Variants in ZNF287 observed in about 807,000 individuals in gnomAD.
ZNF287 encodes the protein zinc finger protein 287.
A neutral mutation model predicts 73.7 loss-of-function variants in ZNF287; 31 were observed. The observed-to-expected ratio is 0.42, with a 90% CI of 0.32 to 0.57. ZNF287 has a LOEUF of 0.57. ZNF287 is among the 20% of genes least tolerant of loss of function. The pLI is 0.13. For missense variants in ZNF287, 641 were observed against 909.3 expected (o/e 0.70, Z 3.79); for synonymous variants, 301 against 307.2 (o/e 0.98, Z 0.21).
rs1906512641 is a variant in ZNF287, at chr17:16,549,602, GTT to G, written c.*2252_*2253del. Among the ~76,000 whole-genome samples, 1 of 152,166 alleles carries G rather than the reference GTT, an allele frequency of 6.6e-6. No homozygotes were observed. Among genetic ancestry groups the G allele is most frequent in the Non-Finnish European group, 1.5e-5 (1 of 68,008 alleles). ...CTAATGTAAGGGAAATGGAAATCAAGTTTTTTAAAGAAAACACTCAATAATAT... is the reference window on the plus strand; with the variant it reads ...CTAATGTAAGGGAAATGGAAATCAAGTTTTAAAGAAAACACTCAATAATAT... On this transcript the variant is annotated 3_prime_UTR_variant, in exon 6 of 6. Transcript: ENST00000395825.
At chr17:16,556,159 G>GACACACACACAC (rs1373193795) in intron 5 of ZNF287, among the ~76,000 whole-genome samples, 5 of 133,560 alleles carry the variant, frequency 3.7e-5, no homozygotes, top group African/African-American at 2.0e-4. Flanking sequence ...GTTACAGACA[G>GACACACACACAC]ACACAGACAC....
rs1309691267 is a variant in ZNF287, at chr17:16,548,976, T to C, written c.*2880A>G. Among the ~76,000 whole-genome samples, 1 of 152,108 alleles carries C rather than the reference T, an allele frequency of 6.6e-6. No individual in the cohort carries two copies. The highest frequency in any genetic ancestry group is 2.1e-4 in the South Asian group (1 of 4,824). On this transcript the variant is annotated 3_prime_UTR_variant, in exon 6 of 6. Coordinates refer to ENST00000395825, the MANE Select transcript of ZNF287 (RefSeq NM_020653.4). ...AAGGTATGTAAATGTATTGTGGTTA[T>C]GTAAAAGACCATCCTTATTTTTGTA... is the stretch of plus-strand genomic sequence containing the variant.
chr17:16,553,535 G>C (rs1906840469), intron 5 of ZNF287, 109 bp from the exon 6 acceptor site: 1 of 852,400 alleles, frequency 1.2e-6, no homozygotes, highest in Admixed American at 3.6e-5. Flanking sequence ...CAACAGCTCT[G>C]AAAACCTCAT....
Position 16,551,866 on chromosome 17 carries a change from T to C in ZNF287, c.2276A>G (p.His759Arg). The change falls in exon 6 of 6, where the codon CAT (histidine) becomes CGT (arginine). Residue 759 changes from histidine (H) to arginine (R), a missense_variant. Around this residue, in one of 2 missense-constraint regions of ZNF287, gnomAD observed 284 missense variants for 466.8 expected, o/e 0.61. Transcript: ENST00000395825. ...AGTTTCCCTTATCCATTAATTACGA[T>C]GTTTGGCACCTGTATGAACACGTTG... is the stretch of plus-strand genomic sequence containing the variant. ...QHQRVHTGAK[H>R]RN 6.4e-7 allele frequency: 1 copy of C among 1,574,470 alleles called. No individual in the cohort carries two copies. The highest frequency in any genetic ancestry group is 8.6e-7 in the Non-Finnish European group (1 of 1,160,474).
intron 5 of ZNF287, among the ~76,000 whole-genome samples, chr17:16,559,639 A>G (rs993276247): frequency 6.6e-6 from 1 of 151,514 alleles, no homozygotes; most frequent in African/African-American, 2.4e-5. Context: ...AAGCAATGAT[A>G]CCCATAAACA....
chr17:16,567,490 T>C lies in ZNF287; in HGVS notation c.242A>G (p.Glu81Gly). Residue 81 changes from glutamate (E) to glycine (G), a missense_variant, in exon 2 of 6, where the codon GAG becomes GGG. Glu to Gly is a moderately conservative substitution (Grantham distance 98). Coordinates refer to ENST00000395825, the MANE Select transcript of ZNF287 (RefSeq NM_020653.4). ...CAAAATTTGTTCCTTTGAGTGAATC[T>C]CAGGTCTCAGCCACTTAAGGCAGAG... ...RELCLKWLRPEIHSKEQILEL... is the reference protein window; with the variant it reads ...RELCLKWLRPGIHSKEQILEL... 6.2e-7 allele frequency: 1 copy of C among 1,614,244 alleles called. No individual in the cohort carries two copies. Among genetic ancestry groups the C allele is most frequent in the Non-Finnish European group, 8.5e-7 (1 of 1,180,042 alleles).
chr17:16,552,674 T>C lies in ZNF287; in HGVS notation c.1468A>G (p.Ser490Gly), dbSNP rs760628441. The C allele has an allele frequency of 1.2e-6, 2 of 1,614,180 alleles. No homozygotes were observed. Among genetic ancestry groups the C allele is most frequent in the East Asian group, 2.2e-5 (1 of 44,882 alleles). ...YKCLECGKTF[S>G]HSSSLINHQR... ...TGATTAATCAGTGATGAACTATGAC[T>C]GAAGGTTTTACCACATTCCAAGCAT... Residue 490 changes from serine to glycine, a missense_variant, in exon 6 of 6, where the codon AGT (serine) becomes GGT (glycine). This residue lies in a region of ZNF287 where 284 missense variants were observed against 466.8 expected (regional missense o/e 0.61). Coordinates refer to ENST00000395825, the MANE Select transcript of ZNF287 (RefSeq NM_020653.4). This position sits in a 1 kb window ranked among gnomAD's most constrained non-coding sequence, Gnocchi z 6.5.
rs1361276250 is a variant in ZNF287, at chr17:16,553,078, C to T, written c.1064G>A (p.Gly355Asp). ...GRATFNHVSY[G>D]IVHRKILPGE... ...AGGAAGTATTTTCCTATGTACAATA[C>T]CATATGAGACATGATTGAAGGTTGC... Residue 355 changes from glycine (G) to aspartate (D), a missense_variant, in exon 6 of 6, where the codon GGT (glycine) becomes GAT (aspartate). By Grantham distance (94) the Gly-to-Asp change is moderately conservative. Transcript: ENST00000395825. 2 of 1,614,004 alleles carry T rather than the reference C, an allele frequency of 1.2e-6. No homozygotes were observed. Among genetic ancestry groups the T allele is most frequent in the African/African-American group, 2.7e-5 (2 of 74,904 alleles).
intron 5 of ZNF287, among the ~76,000 whole-genome samples, chr17:16,557,001 C>T (rs1327531483): frequency 6.6e-6 from 1 of 152,066 alleles, no homozygotes; most frequent in Non-Finnish European, 1.5e-5. Flanking sequence ...GCATGTGCCA[C>T]CACGCCTGGC....
At position 16,553,360 on chromosome 17, in the gene ZNF287, G is replaced by T. The variant is rs1906826522; in HGVS notation, c.782C>A (p.Thr261Asn). ...EDMSKLTKEETHTIKLEDSYD... is the reference protein window; with the variant it reads ...EDMSKLTKEENHTIKLEDSYD... ...TGAGTCTTCTAATTTGATGGTATGG[G>T]TTTCTTCCTTTGTGAGTTTAGACAT... The change falls in exon 6 of 6, where the codon ACC (threonine) becomes AAC (asparagine). Residue 261 changes from threonine (T) to asparagine (N), a missense_variant. By Grantham distance (65) the Thr-to-Asn change is moderately conservative. Around this residue, in one of 2 missense-constraint regions of ZNF287, gnomAD observed 357 missense variants for 442.4 expected, o/e 0.81. Transcript: ENST00000395825. 4.3e-6 allele frequency: 7 copies of T among 1,610,610 alleles called. No homozygotes were observed. The East Asian group carries it at 1.6e-4, about 36-fold the overall frequency.
intron 5 of ZNF287, among the ~76,000 whole-genome samples, chr17:16,554,973 T>G (rs971403728): frequency 6.6e-6 from 1 of 152,110 alleles, no homozygotes; most frequent in African/African-American, 2.4e-5. Flanking sequence ...AAATTGCCTT[T>G]TTTTATAGGT....
chr17:16,548,333 A>G lies in ZNF287; in HGVS notation c.*3523T>C, dbSNP rs1046014143. ...GACTTTTGATATGATGCACTATGAAATACATCTGTGAGGTGTTATCATTAA... is the reference window on the plus strand; with the variant it reads ...GACTTTTGATATGATGCACTATGAAGTACATCTGTGAGGTGTTATCATTAA... On this transcript the variant is annotated 3_prime_UTR_variant, in exon 6 of 6. Transcript: ENST00000395825. 5.3e-5 allele frequency among the ~76,000 whole-genome samples: 8 copies of G among 152,196 alleles called. No homozygotes were observed. Among genetic ancestry groups the G allele is most frequent in the Non-Finnish European group, 1.0e-4 (7 of 68,032 alleles).
rs749603293 is a variant in ZNF287 at position 16,567,356 on chromosome 17, C to G, written c.376G>C (p.Asp126His). The change falls in exon 2 of 6, where the codon GAT becomes CAT. Residue 126 changes from aspartate to histidine, a missense_variant. Transcript: ENST00000395825. ...TCCTCTTCTAGAATCTGAGTCAAATCCTCCACCAGAGTCACTGCTTCCTCG... is the reference window on the plus strand; with the variant it reads ...TCCTCTTCTAGAATCTGAGTCAAATGCTCCACCAGAGTCACTGCTTCCTCG... Reference protein sequence around the residue: ...SSEEAVTLVEDLTQILEEEAP... With the variant: ...SSEEAVTLVEHLTQILEEEAP... The G allele has an allele frequency of 6.2e-7, 1 of 1,613,720 alleles. No homozygotes were observed. Among genetic ancestry groups the G allele is most frequent in the Non-Finnish European group, 8.5e-7 (1 of 1,179,726 alleles).
rs548244593 is a variant in ZNF287, at chr17:16,555,972, C to T, written c.716-2546G>A. 3.9e-5 allele frequency among the ~76,000 whole-genome samples: 6 copies of T among 152,050 alleles called. No homozygotes were observed. The South Asian group carries it at 1.0e-3, about 26-fold the overall frequency. On this transcript the variant is annotated intron_variant, in intron 5 of 5. Coordinates refer to ENST00000395825, the MANE Select transcript of ZNF287 (RefSeq NM_020653.4). ...AGTAATATGCAGTAATTGAAAATGACAGCTACATCATCAGTAAGAGACTAG... is the reference window on the plus strand; with the variant it reads ...AGTAATATGCAGTAATTGAAAATGATAGCTACATCATCAGTAAGAGACTAG...
chr17:16,564,723 G>A (rs1907645899), intron 3 of ZNF287, among the ~76,000 whole-genome samples: 1 of 152,104 alleles, frequency 6.6e-6, no homozygotes, highest in African/African-American at 2.4e-5. Flanking sequence ...TAAGGTTAGT[G>A]CTTTTCTTGT....
rs2142454545 is a variant in ZNF287 at position 16,551,724 on chromosome 17, A to G, written c.*132T>C. 1 of 930,398 alleles carries G rather than the reference A, an allele frequency of 1.1e-6. No homozygotes were observed. Among genetic ancestry groups the G allele is most frequent in the Non-Finnish European group, 1.6e-6 (1 of 615,572 alleles). The allele number at this position is 930,398 out of a possible 1,614,324, so 57.6% of individuals were successfully genotyped here. On this transcript the variant is annotated 3_prime_UTR_variant, in exon 6 of 6. Coordinates refer to ENST00000395825, the MANE Select transcript of ZNF287 (RefSeq NM_020653.4). The stretch of plus-strand genomic sequence containing the variant: ...CTAAATAGGTTATATCCATACCACT[A>G]CTTCTGATACTTCTGCTGAGTATCT...
At chr17:16,554,611 T>G (rs370924547) in intron 5 of ZNF287, among the ~76,000 whole-genome samples, 2 of 152,224 alleles carry the variant, frequency 1.3e-5, no homozygotes, top group East Asian at 1.9e-4. Flanking sequence ...CTACAATGCT[T>G]CTTTGAATTT....
chr17:16,565,632 A>G (rs1262476508), intron 3 of ZNF287, among the ~76,000 whole-genome samples: 3 of 152,176 alleles, frequency 2.0e-5, no homozygotes. Context: ...CAGAAAAACC[A>G]GTTATATTTT....
At chr17:16,565,749 G>A (rs1907705971) in intron 3 of ZNF287, among the ~76,000 whole-genome samples, 1 of 152,174 alleles carries the variant, frequency 6.6e-6, no homozygotes, top group African/African-American at 2.4e-5. Context: ...CACTTTGGGA[G>A]GCCAACACGG....
Sources: allele counts gnomAD v4.1 joint callset (sites outside exome capture counted in the v4.1 genomes callset), GRCh38; gene constraint gnomAD v4.1.1; regional missense constraint gnomAD v4.1.1; non-coding constraint Gnocchi (gnomAD v3.1); transcripts MANE v1.5; gene names NCBI Gene and HGNC (gene_info 2026-07-23, HGNC 2026-07-21).